The following UBASH3B variants were observed in gnomAD, a reference collection of about 807,000 sequenced individuals.
UBASH3B encodes ubiquitin-associated and SH3 domain-containing protein B.
A neutral mutation model predicts 83.4 loss-of-function variants in UBASH3B; 37 were observed. The observed-to-expected ratio is 0.44, with a 90% CI of 0.34 to 0.58. The LOEUF (loss-of-function observed/expected upper bound fraction) is 0.58. Ranked by LOEUF, UBASH3B falls within the 20% of genes least tolerant of loss-of-function variation. The probability of loss-of-function intolerance (pLI) is 0.01; values close to 1 mark genes in which losing one functional copy is unlikely to be tolerated. For missense variants in UBASH3B, 657 were observed against 827.2 expected, an observed-to-expected ratio of 0.79 and a Z score of 2.52; for synonymous variants, 304 against 318.3, an observed-to-expected ratio of 0.96 and a Z score of 0.48.
intron 1 of UBASH3B, among the ~76,000 whole-genome samples, chr11:122,673,444 C>T (rs1189256222): frequency 2.6e-5 from 4 of 152,038 alleles, no homozygotes; most frequent in African/African-American, 9.7e-5. Context: ...GTCAGGAGAT[C>T]GAGACCATCC....
At chr11:122,808,986 A>AAG (rs397770051) in intron 13 of UBASH3B, among the ~76,000 whole-genome samples, 1 of 151,116 alleles carries the variant, frequency 6.6e-6, no homozygotes, top group Non-Finnish European at 1.5e-5. Context: ...GAAAAAAAAA[A>AAG]CGGGTGAAAC....
intron 1 of UBASH3B, among the ~76,000 whole-genome samples, chr11:122,686,946 C>G (rs943742343): frequency 4.0e-5 from 6 of 151,896 alleles, no homozygotes; most frequent in African/African-American, 1.5e-4. Context: ...GGGCTCACTG[C>G]AACTTCCACC....
chr11:122,690,192 A>ATCCAAT (rs1215627785), intron 1 of UBASH3B, among the ~76,000 whole-genome samples: 8 of 23,772 alleles, frequency 3.4e-4, no homozygotes, highest in African/African-American at 1.1e-3. Context: ...ATATATATAT[A>ATCCAAT]TATATATATA....
At chr11:122,797,202 C>G in intron 9 of UBASH3B, 169 bp downstream of exon 9, 5 of 955,208 alleles carry the variant, frequency 5.2e-6, no homozygotes, top group Non-Finnish European at 6.0e-6. Context: ...ACACTGTGCT[C>G]AGCCCTGGGT....
chr11:122,736,831 C>T (rs1230351484), intron 1 of UBASH3B, among the ~76,000 whole-genome samples: 2 of 152,078 alleles, frequency 1.3e-5, no homozygotes, highest in Admixed American at 1.3e-4. Flanking sequence ...GAGAGGATCG[C>T]TTGAGCCCAG....
At chr11:122,740,278 C>T (rs1424200311) in intron 1 of UBASH3B, among the ~76,000 whole-genome samples, 1 of 152,196 alleles carries the variant, frequency 6.6e-6, no homozygotes, top group Non-Finnish European at 1.5e-5. Context: ...TCACAAGAAA[C>T]TTTCAGCAAA....
chr11:122,691,114 A>G (rs1863890420), intron 1 of UBASH3B, among the ~76,000 whole-genome samples: 1 of 152,132 alleles, frequency 6.6e-6, no homozygotes, highest in African/African-American at 2.4e-5. Flanking sequence ...TGTTGTCCAG[A>G]TATGTTTGCC....
chr11:122,756,591 C>T (rs1861286054), intron 1 of UBASH3B, among the ~76,000 whole-genome samples: 1 of 152,158 alleles, frequency 6.6e-6, no homozygotes, highest in South Asian at 2.1e-4. Context: ...TGTGGTGCCC[C>T]AGTGTGGAGG....
chr11:122,684,044 G>A (rs777484854), intron 1 of UBASH3B, among the ~76,000 whole-genome samples: 18 of 152,100 alleles, frequency 1.2e-4, no homozygotes, highest in Non-Finnish European at 2.5e-4. Context: ...TGGATCAAAA[G>A]CTCACTTGAC....
intron 1 of UBASH3B, among the ~76,000 whole-genome samples, chr11:122,675,915 G>A (rs1863662200): frequency 1.3e-5 from 2 of 152,204 alleles, no homozygotes; most frequent in Admixed American, 6.5e-5. Context: ...CCTACTATGT[G>A]TAATTTTACT....
intron 1 of UBASH3B, among the ~76,000 whole-genome samples, chr11:122,738,098 C>T (rs1021215296): frequency 6.6e-6 from 1 of 152,130 alleles, no homozygotes; most frequent in Non-Finnish European, 1.5e-5. Flanking sequence ...TGGGAAATGC[C>T]GTTGAGAGGT....
chr11:122,783,622 A>G (rs1369381269), intron 5 of UBASH3B, among the ~76,000 whole-genome samples: 2 of 152,142 alleles, frequency 1.3e-5, no homozygotes, highest in Non-Finnish European at 1.5e-5. Flanking sequence ...CAAAGAAAAC[A>G]AAACAAAAAA....
rs1224474078 is a variant in UBASH3B at position 122,797,148 on chromosome 11, T to C, written c.1357+115T>C. On this transcript the variant is annotated intron_variant, in intron 9 of 13. Transcript: ENST00000284273. ...GGTTTCTATAACTTTCCTACAAGTTTCCTCAATTCAAAAGGAACTTACTAC... is the reference window on the plus strand; with the variant it reads ...GGTTTCTATAACTTTCCTACAAGTTCCCTCAATTCAAAAGGAACTTACTAC... 2.8e-6 allele frequency: 4 copies of C among 1,404,362 alleles called. No individual in the cohort carries two copies. In the African/African-American group the frequency reaches 5.8e-5, roughly 20 times the overall value. 87.0% of individuals were successfully genotyped at this position (1,404,362 alleles called of 1,614,324 possible). A position where few individuals can be genotyped will look rare whatever the true frequency, so the allele number is the denominator to read the frequency against.
chr11:122,674,830 G>A (rs1015155316), intron 1 of UBASH3B, among the ~76,000 whole-genome samples: 1 of 148,208 alleles, frequency 6.7e-6, no homozygotes, highest in Non-Finnish European at 1.5e-5. Flanking sequence ...TTGGGTTCAA[G>A]CGATTCTCCT....
intron 1 of UBASH3B, among the ~76,000 whole-genome samples, chr11:122,763,563 C>T (rs1860482208): frequency 6.6e-6 from 1 of 152,122 alleles, no homozygotes; most frequent in Non-Finnish European, 1.5e-5. Flanking sequence ...CTCTGATTAG[C>T]TTTATAAAAA....
intron 1 of UBASH3B, among the ~76,000 whole-genome samples, chr11:122,763,918 G>C (rs1860488675): frequency 6.6e-6 from 1 of 152,218 alleles, no homozygotes; most frequent in African/African-American, 2.4e-5. Flanking sequence ...AGATTGTTCA[G>C]CTGAACTGCC....
At chr11:122,733,881 C>G (rs943522638) in intron 1 of UBASH3B, among the ~76,000 whole-genome samples, 2 of 151,990 alleles carry the variant, frequency 1.3e-5, no homozygotes, top group Non-Finnish European at 2.9e-5. Flanking sequence ...AATGTCTCCT[C>G]TCTTTTTTTT....
At chr11:122,692,187 C>T (rs1311410612) in intron 1 of UBASH3B, among the ~76,000 whole-genome samples, 1 of 152,080 alleles carries the variant, frequency 6.6e-6, no homozygotes, top group Non-Finnish European at 1.5e-5. Flanking sequence ...TGACAGAGTG[C>T]CTGGCAGATA....
chr11:122,702,898 G>A (rs1864062010), intron 1 of UBASH3B, among the ~76,000 whole-genome samples: 2 of 152,126 alleles, frequency 1.3e-5, no homozygotes, highest in Admixed American at 6.5e-5. Context: ...TTAAATGAAG[G>A]AGTGGAATTG....
Sources: gnomAD v4.1 joint callset for allele counts (sites outside exome capture counted in the v4.1 genomes callset) on GRCh38, gnomAD v4.1.1 for gene constraint, MANE v1.5 for transcripts, NCBI Gene and HGNC (gene_info 2026-07-23, HGNC 2026-07-21) for gene names.